The following PCDHGA2 variants were observed in gnomAD, a reference collection of about 807,000 sequenced individuals.
The protein encoded by PCDHGA2 is protocadherin gamma subfamily A, 2.
PCDHGA2 carries 40 observed loss-of-function variants against 59.2 expected under a neutral mutation model. That is an observed-to-expected ratio of 0.68 (90% confidence interval 0.52 to 0.88). The LOEUF is 0.88. Ranked by LOEUF, PCDHGA2 falls within the 40% of genes least tolerant of loss-of-function variation. The pLI, the probability that PCDHGA2 is intolerant of heterozygous loss-of-function variation, is 0.00. For synonymous variants in PCDHGA2, 560 were observed against 526.0 expected (o/e 1.06, Z -0.89); for missense variants, 1,226 against 1,204.0 (o/e 1.02, Z -0.27).
Position 141,340,248 on chromosome 5 carries a change from A to G in PCDHGA2, c.1277A>G (p.Asp426Gly), listed in dbSNP as rs769716594. 2.5e-6 allele frequency: 4 copies of G among 1,614,186 alleles called. No homozygotes were observed. Among genetic ancestry groups the G allele is most frequent in the Admixed American group, 3.3e-5 (2 of 60,028 alleles). The change falls in exon 1 of 4, where the codon GAT becomes GGT. Residue 426 changes from aspartate (D) to glycine (G), a missense_variant. Transcript: ENST00000394576. Reference protein sequence around the residue: ...SFYNITLTAKDGGNPSLSTDA... With the variant: ...SFYNITLTAKGGGNPSLSTDA... ...TACAACATCACTCTAACCGCTAAAG[A>G]TGGAGGGAACCCCTCCCTGTCCACG...
rs762713317 is a variant in PCDHGA2 at position 141,340,847 on chromosome 5, G to A, written c.1876G>A (p.Val626Met). ...CTCGGTGGGTCTGCACACGGGCGAG[G>A]TGCGCACGGCGCGAGCCCTGCTGGA... ...LFSVGLHTGEVRTARALLDRD... is the reference protein window; with the variant it reads ...LFSVGLHTGEMRTARALLDRD... Residue 626 changes from valine to methionine, a missense_variant, in exon 1 of 4, where the codon GTG becomes ATG. Physicochemically the swap from Val to Met is conservative, Grantham distance 21. Transcript: ENST00000394576. The A allele has an allele frequency of 1.2e-6, 2 of 1,612,760 alleles. No homozygotes were observed.
chr5:141,396,538 T>C (rs1352031358), intron 1 of PCDHGA2: 1 of 151,514 alleles, frequency 6.6e-6, no homozygotes, highest in Non-Finnish European at 1.5e-5. Flanking sequence ...AAGAATCACT[T>C]GAACCCGGGA....
chr5:141,355,742 A>T, intron 1 of PCDHGA2: 1 of 1,613,970 alleles, frequency 6.2e-7, no homozygotes, highest in Non-Finnish European at 8.5e-7. Flanking sequence ...TTTTCCCTGG[A>T]CGTGCAAAGT....
Position 141,340,591 on chromosome 5 carries a change from T to C in PCDHGA2, c.1620T>C (p.Pro540=). ...VWVIARDSGN[P]PLSSNVSLSL... is the part of the protein sequence containing the mutation. ...TGATAGCGCGGGACAGCGGGAACCC[T>C]CCACTCAGTAGCAATGTATCATTAA... The change falls in exon 1 of 4, where the codon CCT becomes CCC. Residue 540 remains proline (P), a synonymous_variant. Transcript: ENST00000394576. 1 of 1,614,146 alleles carries C rather than the reference T, an allele frequency of 6.2e-7. No individual in the cohort carries two copies. The highest frequency in any genetic ancestry group is 8.5e-7 in the Non-Finnish European group (1 of 1,180,012).
Position 141,423,504 on chromosome 5 carries a change from T to G in PCDHGA2, c.2425-71303T>G, listed in dbSNP as rs1448233226. ...TGCAAACCTATTCCCACGAGGTCTCTCTCATTGCGGACTCGCAGAAGAGTC... is the reference window on the plus strand; with the variant it reads ...TGCAAACCTATTCCCACGAGGTCTCGCTCATTGCGGACTCGCAGAAGAGTC... On this transcript the variant is annotated intron_variant, in intron 1 of 3. Transcript: ENST00000394576. The G allele has an allele frequency of 3.1e-6, 5 of 1,613,770 alleles. No individual in the cohort carries two copies. The Admixed American group carries it at 8.3e-5, about 27-fold the overall frequency.
At chr5:141,382,993 C>G (rs762865747) in intron 1 of PCDHGA2, 2 of 1,613,542 alleles carry the variant, frequency 1.2e-6, no homozygotes, top group East Asian at 2.2e-5. Context: ...AGGACGTATT[C>G]TCTACTCCGT....
intron 1 of PCDHGA2, chr5:141,345,756 G>T: frequency 1.9e-6 from 3 of 1,614,198 alleles, no homozygotes; most frequent in Non-Finnish European, 2.5e-6. Context: ...TTCCACTGGC[G>T]TGGAGCTGGC....
chr5:141,476,952 T>A lies in PCDHGA2; in HGVS notation c.2425-17855T>A, dbSNP rs1463851594. On this transcript the variant is annotated intron_variant, in intron 1 of 3. Transcript: ENST00000394576. This position sits in a 1 kb window ranked among gnomAD's most constrained non-coding sequence, Gnocchi z 7.6. ...CTGGATGAAGGCCCCAACGGTGAAA[T>A]TATTTACTCCTTCGGCAGCCACAAC... 1 of 1,614,052 alleles carries A rather than the reference T, an allele frequency of 6.2e-7. No individual in the cohort carries two copies. Among genetic ancestry groups the A allele is most frequent in the Non-Finnish European group, 8.5e-7 (1 of 1,180,038 alleles).
Position 141,428,162 on chromosome 5 carries a change from G to A in PCDHGA2, c.2425-66645G>A, listed in dbSNP as rs75153946. The A allele has an allele frequency of 9.5e-4, 1,493 of 1,569,102 alleles. 9 individuals are homozygous for A. The African/African-American group carries it at 0.016, about 16-fold the overall frequency. On this transcript the variant is annotated intron_variant, in intron 1 of 3. Coordinates refer to ENST00000394576, the MANE Select transcript of PCDHGA2 (RefSeq NM_018915.4). ...GGCTGCACACGGGAACCTGCTGGTT[G>A]CTGTGCGTGACGGAGGACAGCCGCC...
At chr5:141,361,013 A>C (rs185853995) in intron 1 of PCDHGA2, 1 of 1,613,268 alleles carries the variant, frequency 6.2e-7, no homozygotes, top group South Asian at 1.1e-5. Flanking sequence ...CACTTTTTCA[A>C]CTTAAATGAA....
At chr5:141,440,822 A>T (rs1561900737) in intron 1 of PCDHGA2, 2 of 152,058 alleles carry the variant, frequency 1.3e-5, no homozygotes, top group Non-Finnish European at 2.9e-5. Context: ...TCAACTCCTG[A>T]TCCTATTGGT....
intron 1 of PCDHGA2, chr5:141,384,110 T>G: frequency 6.2e-7 from 1 of 1,604,780 alleles, no homozygotes; most frequent in Non-Finnish European, 8.5e-7. Context: ...TATTATAGAT[T>G]GGTCACAACC....
intron 1 of PCDHGA2, chr5:141,351,659 A>G: frequency 6.2e-7 from 1 of 1,614,004 alleles, no homozygotes; most frequent in Middle Eastern, 1.6e-4. Context: ...TGGCGCCTCC[A>G]TTGCACAAGT....
In PCDHGA2 at chr5:141,365,555, G is replaced by T. The variant is rs766239362; in HGVS notation, c.2424+24160G>T. ...TTACTATCACCTATTAACAACTAGG[G>T]ACCTGGACAGAGAAGAGACTTCAGA... On this transcript the variant is annotated intron_variant, in intron 1 of 3. Transcript: ENST00000394576. The T allele has an allele frequency of 4.3e-5, 70 of 1,613,524 alleles. No individual in the cohort carries two copies. The Admixed American group carries it at 5.7e-4, about 13-fold the overall frequency.
In PCDHGA2 at chr5:141,384,438, C is replaced by G. The variant is rs758290868; in HGVS notation, c.2424+43043C>G. The G allele has an allele frequency of 4.6e-5, 74 of 1,613,902 alleles. No homozygotes were observed. In the South Asian group the frequency reaches 7.5e-4, roughly 16 times the overall value. Reference sequence around the variant, plus strand: ...TCTCCATAAACTCTGACACTGGAGTCCTGTACGCGCTGCAATCCTTTGATT... The same window carrying G: ...TCTCCATAAACTCTGACACTGGAGTGCTGTACGCGCTGCAATCCTTTGATT... On this transcript the variant is annotated intron_variant, in intron 1 of 3. Coordinates refer to ENST00000394576, the MANE Select transcript of PCDHGA2 (RefSeq NM_018915.4).
chr5:141,398,329 G>A, intron 1 of PCDHGA2: 2 of 1,358,092 alleles, frequency 1.5e-6, no homozygotes, highest in African/African-American at 1.5e-5. Flanking sequence ...AAAACTGCGC[G>A]TCAGTTCGGA....
chr5:141,401,250 GA>G (rs1387561920), intron 1 of PCDHGA2, among the ~76,000 whole-genome samples: 4 of 152,148 alleles, frequency 2.6e-5, no homozygotes, highest in African/African-American at 9.7e-5. Flanking sequence ...GCTAAGACAG[GA>G]GAATTGCTTG....
intron 1 of PCDHGA2, among the ~76,000 whole-genome samples, chr5:141,455,177 T>C (rs2098816411): frequency 6.6e-6 from 1 of 152,040 alleles, no homozygotes; most frequent in Non-Finnish European, 1.5e-5. Context: ...TTTTAGTTTT[T>C]TTATTTCTCT....
chr5:141,504,242 GTTC>G (rs903218038), intron 2 of PCDHGA2, among the ~76,000 whole-genome samples: 25 of 152,170 alleles, frequency 1.6e-4, no homozygotes, highest in African/African-American at 5.1e-4. Context: ...GAAGCAGAGA[GTTC>G]TTCTTATGGT....
Sources: gnomAD v4.1 joint callset for allele counts (sites outside exome capture counted in the v4.1 genomes callset) on GRCh38, gnomAD v4.1.1 for gene constraint, Gnocchi (gnomAD v3.1) non-coding constraint, MANE v1.5 for transcripts, NCBI Gene and HGNC (gene_info 2026-07-23, HGNC 2026-07-21) for gene names.